ABI3BP: variants seen among roughly 807,000 people sequenced by gnomAD.
The protein encoded by ABI3BP is target of Nesh-SH3.
Under a neutral mutation model 268.6 loss-of-function variants are expected in ABI3BP, and 216 were observed. That is an observed-to-expected ratio of 0.80 (90% CI 0.72 to 0.90). The LOEUF is 0.90. Among genes scored for constraint, ABI3BP ranks in the 40% least tolerant of loss-of-function variants. The pLI, the probability that ABI3BP is intolerant of heterozygous loss-of-function variation, is 0.00. For missense variants in ABI3BP, 2,090 were observed against 2,182.4 expected, an observed-to-expected ratio of 0.96 and a Z score of 0.84; for synonymous variants, 730 against 730.0, an observed-to-expected ratio of 1.00 and a Z score of 0.00.
At chr3:100,971,766 A>G (rs1038303081) in intron 1 of ABI3BP, among the ~76,000 whole-genome samples, 2 of 152,224 alleles carry the variant, frequency 1.3e-5, no homozygotes, top group African/African-American at 4.8e-5. Context: ...ATGCTGATGG[A>G]AGTTGGATTT....
chr3:100,876,608 T>G (rs767743967), intron 6 of ABI3BP, 48 bp from the exon 7 acceptor site: 25 of 1,550,598 alleles, frequency 1.6e-5, no homozygotes, highest in Admixed American at 3.4e-5. Flanking sequence ...GTGAATAACT[T>G]TCTGTTCTTT....
At chr3:100,977,611 G>C (rs374438536) in intron 1 of ABI3BP, among the ~76,000 whole-genome samples, 1 of 152,178 alleles carries the variant, frequency 6.6e-6, no homozygotes, top group East Asian at 1.9e-4. Flanking sequence ...CAGATTGGGT[G>C]ATCCAAGAAA....
chr3:100,763,126 A>G (rs989736707), intron 63 of ABI3BP, among the ~76,000 whole-genome samples: 1 of 152,180 alleles, frequency 6.6e-6, no homozygotes, highest in Non-Finnish European at 1.5e-5. Flanking sequence ...CTGATTTAGA[A>G]GGCCCTAAAC....
chr3:100,914,360 C>T (rs2057846658), intron 2 of ABI3BP: 5 of 429,078 alleles, frequency 1.2e-5, no homozygotes, highest in Admixed American at 7.6e-5. Context: ...TTATCTCAGT[C>T]TTTAAGATGC....
chr3:100,970,709 C>T (rs1316705745), intron 1 of ABI3BP, among the ~76,000 whole-genome samples: 1 of 152,166 alleles, frequency 6.6e-6, no homozygotes, highest in Non-Finnish European at 1.5e-5. Flanking sequence ...AGGGTAGTTC[C>T]ACCAGGAGAG....
intron 20 of ABI3BP, among the ~76,000 whole-genome samples, chr3:100,845,263 T>G (rs190485847): frequency 6.6e-6 from 1 of 152,256 alleles, no homozygotes; most frequent in Admixed American, 6.5e-5. Context: ...CTATTAAGGC[T>G]TTTGAGTTTT....
intron 33 of ABI3BP, among the ~76,000 whole-genome samples, 169 bp downstream of exon 33, chr3:100,829,412 C>T (rs1275881015): frequency 6.6e-6 from 1 of 152,104 alleles, no homozygotes; most frequent in Non-Finnish European, 1.5e-5. Flanking sequence ...TAAATAGATG[C>T]TGAGAGAGAA....
intron 1 of ABI3BP, among the ~76,000 whole-genome samples, chr3:100,955,364 C>T (rs187061408): frequency 6.6e-6 from 1 of 152,312 alleles, no homozygotes; most frequent in African/African-American, 2.4e-5. Context: ...TCACAAATGA[C>T]TGCTGATTCA....
intron 6 of ABI3BP, among the ~76,000 whole-genome samples, chr3:100,879,240 T>A (rs1374932406): frequency 2.6e-5 from 4 of 152,216 alleles, no homozygotes; most frequent in Non-Finnish European, 5.9e-5. Flanking sequence ...CTGAGACTTT[T>A]AAGTGCTTGG....
chr3:100,979,854 G>C (rs146846039), intron 1 of ABI3BP, among the ~76,000 whole-genome samples: 1 of 152,336 alleles, frequency 6.6e-6, no homozygotes, highest in East Asian at 1.9e-4. Context: ...AAAGGCACCT[G>C]AGAATATTTG....
At chr3:100,756,257 G>T (rs1397923924) in intron 63 of ABI3BP, among the ~76,000 whole-genome samples, 1 of 152,208 alleles carries the variant, frequency 6.6e-6, no homozygotes, top group Non-Finnish European at 1.5e-5. Context: ...AGGTGCGGTG[G>T]CTCGTGCCTG....
At chr3:100,966,356 C>T (rs1474601897) in intron 1 of ABI3BP, among the ~76,000 whole-genome samples, 2 of 152,228 alleles carry the variant, frequency 1.3e-5, no homozygotes, top group Non-Finnish European at 2.9e-5. Flanking sequence ...GCAATGCTAT[C>T]TCTGAATTTC....
chr3:100,872,303 GAAC>G (rs1288527327), intron 9 of ABI3BP, among the ~76,000 whole-genome samples: 1 of 151,934 alleles, frequency 6.6e-6, no homozygotes, highest in Non-Finnish European at 1.5e-5. Flanking sequence ...CATATCAGAA[GAAC>G]AAAAGTAAAA....
chr3:100,890,786 A>T (rs895182075), intron 4 of ABI3BP, among the ~76,000 whole-genome samples: 13 of 152,164 alleles, frequency 8.5e-5, no homozygotes, highest in Admixed American at 2.6e-4. Context: ...TCTTTTCCAA[A>T]TCTGTTTCTC....
intron 15 of ABI3BP, among the ~76,000 whole-genome samples, chr3:100,851,193 G>A (rs927016192): frequency 2.0e-5 from 3 of 152,192 alleles, no homozygotes; most frequent in Non-Finnish European, 4.4e-5. Flanking sequence ...ACAGTACCCA[G>A]TTTAGTAGGT....
intron 9 of ABI3BP, among the ~76,000 whole-genome samples, chr3:100,869,122 G>T (rs1197127422): frequency 6.6e-6 from 1 of 151,652 alleles, no homozygotes; most frequent in Non-Finnish European, 1.5e-5. Context: ...TTATTTATTT[G>T]TTTAATCGTC....
chr3:100,949,918 T>C (rs1238962575), intron 1 of ABI3BP, among the ~76,000 whole-genome samples: 1 of 152,322 alleles, frequency 6.6e-6, no homozygotes, highest in East Asian at 1.9e-4. Context: ...TGTTCAACTG[T>C]TATATGGATA....
intron 14 of ABI3BP, among the ~76,000 whole-genome samples, chr3:100,853,161 A>G (rs1444241172): frequency 3.3e-5 from 5 of 152,360 alleles, no homozygotes; most frequent in Middle Eastern, 3.4e-3. Flanking sequence ...TGTACTACAT[A>G]CTAAAGAGGC....
chr3:100,850,075 T>C lies in ABI3BP; in HGVS notation c.1471A>G (p.Thr491Ala). ...GTCGTAGGCTGCATTTCTGGACTGG[T>C]AAAGATTTCCAGTTTTTGAGGAACA... is the stretch of plus-strand genomic sequence containing the variant. ...PFVPQKLEIF[T>A]SPEMQPTTPA... Residue 491 changes from threonine (T) to alanine (A), a missense_variant, in exon 17 of 68, where the codon ACC (threonine) becomes GCC (alanine). Coordinates refer to ENST00000471714, the MANE Select transcript of ABI3BP (RefSeq NM_001375547.2). 6.2e-7 allele frequency: 1 copy of C among 1,611,558 alleles called. No individual in the cohort carries two copies. Among genetic ancestry groups the C allele is most frequent in the Non-Finnish European group, 8.5e-7 (1 of 1,178,970 alleles).
Sources: gnomAD v4.1 joint callset for allele counts (sites outside exome capture counted in the v4.1 genomes callset) on GRCh38, gnomAD v4.1.1 for gene constraint, MANE v1.5 for transcripts, NCBI Gene and HGNC (gene_info 2026-07-23, HGNC 2026-07-21) for gene names.